The following PDE4D variants were observed in gnomAD, a reference collection of about 807,000 sequenced individuals.
PDE4D encodes the protein phosphodiesterase 4D, also known as 3',5'-cyclic-AMP phosphodiesterase 4D.
In PDE4D, 24 loss-of-function variants were observed where a neutral mutation model predicts 87.4. The observed-to-expected ratio is 0.27, with a 90% CI of 0.20 to 0.39. The LOEUF (loss-of-function observed/expected upper bound fraction) is 0.39, where lower values mean the gene tolerates loss of function less well. PDE4D is among the 10% of genes least tolerant of loss of function. The probability of loss-of-function intolerance (pLI) is 1.00; values close to 1 mark genes in which losing one functional copy is unlikely to be tolerated. For synonymous variants in PDE4D, 384 were observed against 383.2 expected (o/e 1.00, Z -0.02); for missense variants, 714 against 1,041.0 (o/e 0.69, Z 4.32).
At chr5:60,336,409 AG>A (rs1320872764) in intron 1 of PDE4D, among the ~76,000 whole-genome samples, 1 of 152,174 alleles carries the variant, frequency 6.6e-6, no homozygotes, top group Non-Finnish European at 1.5e-5. Flanking sequence ...AACTCAGCAA[AG>A]GTTCATTTTC....
intron 1 of PDE4D, among the ~76,000 whole-genome samples, chr5:59,500,251 C>T (rs762422081): frequency 6.6e-6 from 1 of 152,132 alleles, no homozygotes; most frequent in Non-Finnish European, 1.5e-5. Flanking sequence ...AATCTCACTG[C>T]TGAGTGTATA....
At chr5:59,620,653 T>G (rs1225024553) in intron 1 of PDE4D, among the ~76,000 whole-genome samples, 1 of 152,146 alleles carries the variant, frequency 6.6e-6, no homozygotes, top group Non-Finnish European at 1.5e-5. Flanking sequence ...CTATAAAATC[T>G]TTCAACACTT....
intron 1 of PDE4D, among the ~76,000 whole-genome samples, chr5:59,504,116 T>C (rs532021371): frequency 6.6e-6 from 1 of 151,766 alleles, no homozygotes; most frequent in South Asian, 2.1e-4. Flanking sequence ...AATCAATAAA[T>C]GTAATAGCAT....
At chr5:59,626,237 T>A (rs1830892844) in intron 1 of PDE4D, among the ~76,000 whole-genome samples, 2 of 152,220 alleles carry the variant, frequency 1.3e-5, no homozygotes, top group Admixed American at 1.3e-4. Context: ...ACATCAAACA[T>A]TTAAATGAAA....
At chr5:60,098,156 C>T (rs1775865288) in intron 2 of PDE4D, among the ~76,000 whole-genome samples, 2 of 151,808 alleles carry the variant, frequency 1.3e-5, no homozygotes, top group Admixed American at 1.3e-4. Flanking sequence ...GAAAAACTGT[C>T]AACACACAGC....
In PDE4D at chr5:59,057,613, A is replaced by T. The variant is rs912043483; in HGVS notation, c.809-18642T>A. 2.6e-5 allele frequency among the ~76,000 whole-genome samples: 4 copies of T among 152,332 alleles called. No individual in the cohort carries two copies. In the East Asian group the frequency reaches 7.7e-4, roughly 29 times the overall value. ...TTATCCAATGCTGGATAACTGAGAT[A>T]GTCTTCCCAGCATTTATCAATGTGG... is the stretch of plus-strand genomic sequence containing the variant. On this transcript the variant is annotated intron_variant, in intron 5 of 14. Transcript: ENST00000340635.
intron 2 of PDE4D, among the ~76,000 whole-genome samples, chr5:59,994,784 A>G (rs1763366976): frequency 6.6e-6 from 1 of 152,232 alleles, no homozygotes; most frequent in Non-Finnish European, 1.5e-5. Context: ...ACAAAAATTT[A>G]GCATTTTCTT....
At chr5:60,113,028 T>C (rs1475002266) in intron 2 of PDE4D, among the ~76,000 whole-genome samples, 1 of 152,074 alleles carries the variant, frequency 6.6e-6, no homozygotes, top group Admixed American at 6.6e-5. Flanking sequence ...AAGAGGATGT[T>C]CCATGGGCTT....
At chr5:59,636,410 GC>G in intron 1 of PDE4D, among the ~76,000 whole-genome samples, 1 of 152,240 alleles carries the variant, frequency 6.6e-6, no homozygotes, top group East Asian at 1.9e-4. Flanking sequence ...CCAAAAGAGA[GC>G]CCGTATTGCC....
intron 1 of PDE4D, among the ~76,000 whole-genome samples, chr5:59,867,266 G>C (rs1221697549): frequency 6.6e-6 from 1 of 151,906 alleles, no homozygotes; most frequent in African/African-American, 2.4e-5. Flanking sequence ...AAGATACTTT[G>C]TATGAAATGA....
chr5:60,120,045 C>A (rs553596898), intron 2 of PDE4D, among the ~76,000 whole-genome samples: 1 of 152,254 alleles, frequency 6.6e-6, no homozygotes, highest in African/African-American at 2.4e-5. Flanking sequence ...GCATTCTTTA[C>A]AGGTCTAAAA....
At position 59,350,039 on chromosome 5, in the gene PDE4D, G is replaced by A. The variant is rs544093163; in HGVS notation, c.456-134071C>T. 2.0e-5 allele frequency among the ~76,000 whole-genome samples: 3 copies of A among 152,218 alleles called. No individual in the cohort carries two copies. In the South Asian group the frequency reaches 6.2e-4, roughly 32 times the overall value. On this transcript the variant is annotated intron_variant, in intron 1 of 14. Coordinates refer to ENST00000340635, the MANE Select transcript of PDE4D (RefSeq NM_001104631.2). ...CAATTTTGAAAAAAATGCATATAAT[G>A]CATTCTACAAAAATGTTGTTTACAA...
At chr5:59,450,704 CAA>C (rs1264293644) in intron 1 of PDE4D, among the ~76,000 whole-genome samples, 1 of 152,080 alleles carries the variant, frequency 6.6e-6, no homozygotes. Flanking sequence ...TAGTAACCAT[CAA>C]AAAGGAACAT....
intron 5 of PDE4D, among the ~76,000 whole-genome samples, chr5:59,106,166 C>T (rs1400982965): frequency 6.6e-6 from 1 of 152,170 alleles, no homozygotes; most frequent in African/African-American, 2.4e-5. Context: ...ACTGCACACA[C>T]AATTCTTTAC....
At chr5:59,429,902 G>A (rs1337507492) in intron 1 of PDE4D, among the ~76,000 whole-genome samples, 2 of 152,116 alleles carry the variant, frequency 1.3e-5, no homozygotes, top group Non-Finnish European at 2.9e-5. Flanking sequence ...GCATTAATGT[G>A]TTATGATGCA....
chr5:59,695,013 G>A (rs559734504), intron 1 of PDE4D, among the ~76,000 whole-genome samples: 11 of 152,096 alleles, frequency 7.2e-5, no homozygotes, highest in East Asian at 5.8e-4. Context: ...TATTAAAGTC[G>A]GGACCCCCCA....
rs59579741 is a variant in PDE4D, at chr5:59,382,843, C to T, written c.456-166875G>A. Among the ~76,000 whole-genome samples, 845 of 152,220 alleles carry T rather than the reference C, an allele frequency of 5.6e-3. 10 individuals are homozygous for T. Among genetic ancestry groups the T allele is most frequent in the African/African-American group, 0.019 (809 of 41,538 alleles). ...TATGTCTGTTGAGCCTCAGTATTTT[C>T]GCCTATAAAATGGGGACATTATATT... is the stretch of plus-strand genomic sequence containing the variant. On this transcript the variant is annotated intron_variant, in intron 1 of 14. Coordinates refer to ENST00000340635, the MANE Select transcript of PDE4D (RefSeq NM_001104631.2).
At chr5:60,300,761 T>G (rs929640265) in intron 1 of PDE4D, among the ~76,000 whole-genome samples, 2 of 151,952 alleles carry the variant, frequency 1.3e-5, no homozygotes, top group Non-Finnish European at 2.9e-5. Flanking sequence ...GGGCTATGTA[T>G]CTGTTCTTTT....
In PDE4D at chr5:60,046,179, G is replaced by C. The variant is rs1042600341; in HGVS notation, c.43-57462C>G. Among the ~76,000 whole-genome samples, 27 of 152,206 alleles carry C rather than the reference G, an allele frequency of 1.8e-4. 1 individual carries two copies. The highest frequency in any genetic ancestry group is 1.4e-3 in the Admixed American group (21 of 15,292). ...TTGGCTCTCTGTTTGTCTGTTGTTGGTGTATAAGAACGCTTGTGATTTTTG... is the reference window on the plus strand; with the variant it reads ...TTGGCTCTCTGTTTGTCTGTTGTTGCTGTATAAGAACGCTTGTGATTTTTG... On this transcript the variant is annotated intron_variant, in intron 2 of 16. Coordinates refer to the PDE4D transcript ENST00000502484.
Sources: allele counts gnomAD v4.1 joint callset (sites outside exome capture counted in the v4.1 genomes callset), GRCh38; gene constraint gnomAD v4.1.1; transcripts MANE v1.5; gene names NCBI Gene and HGNC (gene_info 2026-07-23, HGNC 2026-07-21).